Variants in RORA observed in about 807,000 individuals in gnomAD.
RORA encodes the protein RAR related orphan receptor A.
A neutral mutation model predicts 69.5 loss-of-function variants in RORA; 7 were observed. The ratio of observed to expected loss-of-function variants is 0.10; its 90% CI spans 0.06 to 0.19. The LOEUF (loss-of-function observed/expected upper bound fraction) is 0.19, where lower values mean the gene tolerates loss of function less well. Ranked by LOEUF, RORA falls within the 10% of genes least tolerant of loss-of-function variation. The probability of loss-of-function intolerance (pLI) is 1.00; values close to 1 mark genes in which losing one functional copy is unlikely to be tolerated. For synonymous variants in RORA, 261 were observed against 240.8 expected (o/e 1.08, Z -0.78); for missense variants, 457 against 663.0 (o/e 0.69, Z 3.41).
intron 1 of RORA, among the ~76,000 whole-genome samples, chr15:61,224,143 C>T (rs2080124663): frequency 6.6e-6 from 1 of 152,160 alleles, no homozygotes; most frequent in Non-Finnish European, 1.5e-5. Flanking sequence ...CACTCCAACA[C>T]TTGAAGGCCT....
chr15:60,958,663 T>C (rs1285986131), intron 1 of RORA, among the ~76,000 whole-genome samples: 4 of 152,024 alleles, frequency 2.6e-5, no homozygotes, highest in African/African-American at 9.7e-5. Context: ...TTGTGAATAA[T>C]AAAGGAAATA....
chr15:60,625,498 C>T (rs2069551886), intron 2 of RORA, among the ~76,000 whole-genome samples: 1 of 152,134 alleles, frequency 6.6e-6, no homozygotes, highest in Non-Finnish European at 1.5e-5. Context: ...CAAAATGGTT[C>T]ATGTTTGAGG....
intron 2 of RORA, among the ~76,000 whole-genome samples, chr15:60,549,622 C>G (rs1431300084): frequency 6.6e-6 from 1 of 152,092 alleles, no homozygotes; most frequent in African/African-American, 2.4e-5. Flanking sequence ...GAAAGATTGC[C>G]TGGGGATAGG....
chr15:61,175,650 G>A (rs1349941884), intron 1 of RORA, among the ~76,000 whole-genome samples: 1 of 151,246 alleles, frequency 6.6e-6, no homozygotes, highest in Non-Finnish European at 1.5e-5. Flanking sequence ...CCGGGAGGTT[G>A]AGGCTGCAAT....
chr15:60,665,404 A>G (rs1272019542), intron 2 of RORA, among the ~76,000 whole-genome samples: 1 of 152,234 alleles, frequency 6.6e-6, no homozygotes, highest in Non-Finnish European at 1.5e-5. Context: ...TGGATAATGC[A>G]AACAAATGGT....
intron 1 of RORA, among the ~76,000 whole-genome samples, chr15:61,079,613 A>G (rs2078508055): frequency 6.6e-6 from 1 of 152,170 alleles, no homozygotes; most frequent in Non-Finnish European, 1.5e-5. Flanking sequence ...GCATTGTTGA[A>G]TTTTTTTCTA....
At chr15:60,907,701 A>G (rs563522070) in intron 1 of RORA, among the ~76,000 whole-genome samples, 1 of 152,240 alleles carries the variant, frequency 6.6e-6, no homozygotes, top group African/African-American at 2.4e-5. Context: ...GGATGCCCAC[A>G]TTTAGCGTTT....
chr15:60,823,635 C>G lies in RORA; in HGVS notation c.167-144949G>C, dbSNP rs761866664. ...CATTTTTTGGAATTCATTGCTGTAG[C>G]CTTATAGAGACAGAACACAAGCATA... On this transcript the variant is annotated intron_variant, in intron 1 of 10. Coordinates refer to ENST00000335670, the MANE Select transcript of RORA (RefSeq NM_134261.3). Among the ~76,000 whole-genome samples the G allele has an allele frequency of 4.6e-5, 7 of 152,262 alleles. No homozygotes were observed. The South Asian group carries it at 1.2e-3, about 27-fold the overall frequency.
At chr15:60,501,893 T>C (rs1309922113) in intron 8 of RORA, among the ~76,000 whole-genome samples, 1 of 152,242 alleles carries the variant, frequency 6.6e-6, no homozygotes, top group South Asian at 2.1e-4. Flanking sequence ...ATCTGTCATA[T>C]AACTTTTAAA....
chr15:60,671,736 C>A (rs958640441), intron 2 of RORA, among the ~76,000 whole-genome samples: 3 of 151,784 alleles, frequency 2.0e-5, no homozygotes, highest in African/African-American at 7.3e-5. Flanking sequence ...CTCAGCCTCC[C>A]AAGTAGCTGA....
chr15:60,552,812 G>A (rs1418207680), intron 2 of RORA, among the ~76,000 whole-genome samples: 2 of 152,328 alleles, frequency 1.3e-5, no homozygotes, highest in African/African-American at 4.8e-5. Context: ...TAAAAGAAAA[G>A]GCTGGAGGTG....
At chr15:60,598,412 CT>C (rs1458616108) in intron 2 of RORA, 2 of 152,182 alleles carry the variant, frequency 1.3e-5, no homozygotes, top group African/African-American at 2.4e-5. Flanking sequence ...TCTGCCACCC[CT>C]GAGACAGTAA....
chr15:60,887,850 T>A (rs2073768660), intron 1 of RORA, among the ~76,000 whole-genome samples: 1 of 152,182 alleles, frequency 6.6e-6, no homozygotes, highest in South Asian at 2.1e-4. Context: ...TGGTATTTTG[T>A]TCCACGTAAG....
intron 2 of RORA, among the ~76,000 whole-genome samples, chr15:60,593,703 G>C (rs1483254082): frequency 1.3e-5 from 2 of 152,100 alleles, no homozygotes; most frequent in Middle Eastern, 3.2e-3. Context: ...TACCTATTGC[G>C]GTTCCTTCAC....
intron 1 of RORA, among the ~76,000 whole-genome samples, chr15:61,019,555 G>A (rs1238329384): frequency 1.3e-5 from 2 of 152,130 alleles, no homozygotes; most frequent in East Asian, 1.9e-4. Flanking sequence ...GAGGATAATC[G>A]TTAGAGATGC....
At chr15:60,764,688 G>A (rs1245158972) in intron 1 of RORA, 2 of 152,128 alleles carry the variant, frequency 1.3e-5, no homozygotes, top group Middle Eastern at 3.2e-3. Flanking sequence ...ATCTGGATAT[G>A]TATTTTTAAA....
chr15:61,193,201 T>G (rs538623556), intron 1 of RORA, among the ~76,000 whole-genome samples: 3 of 152,342 alleles, frequency 2.0e-5, no homozygotes, highest in African/African-American at 7.2e-5. Flanking sequence ...ATACTTGTAC[T>G]TCTGTCTTCA....
At chr15:60,589,780 T>A (rs1278462129) in intron 2 of RORA, among the ~76,000 whole-genome samples, 1 of 152,164 alleles carries the variant, frequency 6.6e-6, no homozygotes, top group Non-Finnish European at 1.5e-5. Context: ...TTAAAAAACA[T>A]CAGTAAATCA....
chr15:61,013,886 C>T (rs1218234566), intron 1 of RORA, among the ~76,000 whole-genome samples: 3 of 150,964 alleles, frequency 2.0e-5, no homozygotes, highest in Non-Finnish European at 4.4e-5. Context: ...CGGGTTCACG[C>T]CATTATCCTG....
Sources: allele counts gnomAD v4.1 joint callset (sites outside exome capture counted in the v4.1 genomes callset), GRCh38; gene constraint gnomAD v4.1.1; transcripts MANE v1.5; gene names NCBI Gene and HGNC (gene_info 2026-07-23, HGNC 2026-07-21).